The following BICDL1 variants were observed in gnomAD, a reference collection of about 807,000 sequenced individuals.
BICDL1 encodes the protein BICD family like cargo adaptor 1.
BICDL1 carries 20 observed loss-of-function variants against 76.8 expected under a neutral mutation model. The observed-to-expected ratio is 0.26, with a 90% confidence interval of 0.18 to 0.38. The LOEUF (loss-of-function observed/expected upper bound fraction) is 0.38, where lower values mean the gene tolerates loss of function less well. BICDL1 is among the 10% of genes least tolerant of loss of function. The probability of loss-of-function intolerance (pLI) is 1.00; values close to 1 mark genes in which losing one functional copy is unlikely to be tolerated. For missense variants in BICDL1, 700 were observed against 798.6 expected (o/e 0.88, Z 1.49); for synonymous variants, 383 against 337.1 (o/e 1.14, Z -1.49).
At position 119,990,282 on chromosome 12, in the gene BICDL1, G is replaced by A. The variant is rs1294038365; in HGVS notation, c.414G>A (p.Leu138=). Residue 138 remains leucine (L), a synonymous_variant, in exon 1 of 10, where the codon CTG becomes CTA. Coordinates refer to ENST00000548673, the MANE Select transcript of BICDL1 (RefSeq NM_001367886.1). ...SRQYEQMHKE[L]TDKLEHLEQE... is the part of the protein sequence containing the mutation. ...AGTACGAGCAGATGCATAAGGAGCT[G>A]ACAGACAAGCTCGAGGTGAGGACCT... 21 of 1,568,706 alleles carry A rather than the reference G, an allele frequency of 1.3e-5. No individual in the cohort carries two copies. The highest frequency in any genetic ancestry group is 1.6e-5 in the Non-Finnish European group (18 of 1,157,646).
intron 7 of BICDL1, among the ~76,000 whole-genome samples, chr12:120,078,853 C>T (rs1212825080): frequency 6.6e-6 from 1 of 152,220 alleles, no homozygotes; most frequent in Non-Finnish European, 1.5e-5. Context: ...CCGACTGGCC[C>T]ACAGCTGGTC....
intron 1 of BICDL1, among the ~76,000 whole-genome samples, chr12:119,991,613 T>G (rs1385815829): frequency 1.3e-5 from 2 of 152,034 alleles, no homozygotes; most frequent in South Asian, 2.1e-4. Context: ...TAAAAAGCCT[T>G]CCTTTTTTTT....
At chr12:120,072,241 C>T (rs1873165826) in intron 5 of BICDL1, among the ~76,000 whole-genome samples, 1 of 152,100 alleles carries the variant, frequency 6.6e-6, no homozygotes, top group Non-Finnish European at 1.5e-5. Context: ...ACCAAAATAA[C>T]TGATTATATA....
chr12:120,064,609 G>A, intron 3 of BICDL1, 124 bp from the exon 4 acceptor site: 2 of 891,740 alleles, frequency 2.2e-6, no homozygotes, highest in Non-Finnish European at 1.7e-6. Context: ...AGAGATGGGG[G>A]TACCGTGACA....
chr12:120,083,811 A>G (rs1874187441), intron 8 of BICDL1, among the ~76,000 whole-genome samples: 2 of 151,442 alleles, frequency 1.3e-5, no homozygotes, highest in South Asian at 4.2e-4. Flanking sequence ...ATGCGCCCCC[A>G]TGCTTGGCTA....
At chr12:120,015,141 C>G (rs1211606036) in intron 2 of BICDL1, among the ~76,000 whole-genome samples, 1 of 152,150 alleles carries the variant, frequency 6.6e-6, no homozygotes, top group Non-Finnish European at 1.5e-5. Flanking sequence ...TTCCCACTTG[C>G]AGTGGGAAGG....
chr12:120,091,619 C>T (rs534646911), intron 9 of BICDL1: 1 of 984,838 alleles, frequency 1.0e-6, no homozygotes, highest in East Asian at 1.1e-4. Flanking sequence ...AGGAGAAGAC[C>T]AGGAATGAGC....
At chr12:120,073,954 C>T (rs1355948478) in intron 6 of BICDL1, among the ~76,000 whole-genome samples, 1 of 152,182 alleles carries the variant, frequency 6.6e-6, no homozygotes, top group East Asian at 1.9e-4. Flanking sequence ...GAGTCTCGCT[C>T]TGTTGCCCAG....
intron 1 of BICDL1, 54 bp downstream of exon 1, chr12:119,990,351 C>G (rs1319045644): frequency 7.1e-6 from 11 of 1,538,850 alleles, no homozygotes; most frequent in Non-Finnish European, 9.6e-6. Flanking sequence ...CAGGCACGCG[C>G]CCGGCCCTGG....
chr12:120,051,658 A>C (rs1462807671), intron 2 of BICDL1, among the ~76,000 whole-genome samples: 1 of 152,196 alleles, frequency 6.6e-6, no homozygotes, highest in Non-Finnish European at 1.5e-5. Flanking sequence ...GTTAGGCTTA[A>C]AAAAGAAGCT....
chr12:120,092,971 TC>T, intron 9 of BICDL1, 28 bp from the exon 10 acceptor site: 1 of 1,532,196 alleles, frequency 6.5e-7, no homozygotes, highest in South Asian at 1.3e-5. Context: ...AGCTACTCAG[TC>T]CTGGCCACTG....
rs1419108349 is a variant in BICDL1 at position 120,014,648 on chromosome 12, C to T, written c.645+15912C>T. Reference sequence around the variant, plus strand: ...CAGAGGTTGCAGTGAGCCGAGATCACGGCACTGCACTACAGCCTGTGACAG... The same window carrying T: ...CAGAGGTTGCAGTGAGCCGAGATCATGGCACTGCACTACAGCCTGTGACAG... On this transcript the variant is annotated intron_variant, in intron 2 of 9. Transcript: ENST00000548673. Among the ~76,000 whole-genome samples the T allele has an allele frequency of 4.6e-5, 7 of 151,226 alleles. No individual in the cohort carries two copies. In the South Asian group the frequency reaches 6.3e-4, roughly 14 times the overall value.
chr12:120,086,157 C>T (rs989308833), intron 8 of BICDL1, among the ~76,000 whole-genome samples: 1 of 152,198 alleles, frequency 6.6e-6, no homozygotes, highest in Admixed American at 6.5e-5. Context: ...TGGAAGGATG[C>T]CCCCAGTAGG....
chr12:120,052,701 G>A (rs1276292006), intron 2 of BICDL1, among the ~76,000 whole-genome samples: 1 of 152,144 alleles, frequency 6.6e-6, no homozygotes, highest in East Asian at 1.9e-4. Context: ...TGAAACTTTT[G>A]CCCACAAATT....
At chr12:120,066,393 A>G (rs577751011) in intron 4 of BICDL1, among the ~76,000 whole-genome samples, 1 of 152,312 alleles carries the variant, frequency 6.6e-6, no homozygotes, top group South Asian at 2.1e-4. Flanking sequence ...CCTAAAAGAA[A>G]CTTTCAGTTC....
chr12:120,056,516 C>T (rs375218844), intron 2 of BICDL1, among the ~76,000 whole-genome samples: 1 of 152,204 alleles, frequency 6.6e-6, no homozygotes, highest in African/African-American at 2.4e-5. Context: ...GTCAGAAGTT[C>T]GAGACCAGCC....
chr12:120,007,071 A>C (rs1330658185), intron 2 of BICDL1, among the ~76,000 whole-genome samples: 1 of 152,148 alleles, frequency 6.6e-6, no homozygotes, highest in Non-Finnish European at 1.5e-5. Context: ...GGTTGTGGGA[A>C]GGAAGGTTAA....
At chr12:120,030,871 A>G (rs1276767832) in intron 2 of BICDL1, among the ~76,000 whole-genome samples, 1 of 152,222 alleles carries the variant, frequency 6.6e-6, no homozygotes, top group East Asian at 1.9e-4. Flanking sequence ...GGGTATGACA[A>G]ATAACCAGTT....
chr12:120,071,598 A>C lies in BICDL1; in HGVS notation c.910-24A>C. ...TTGGTTTTTGTGTTTGGTAAACCTCAACCATTTGCTCTTTCTTTGAAAGCT... is the reference window on the plus strand; with the variant it reads ...TTGGTTTTTGTGTTTGGTAAACCTCCACCATTTGCTCTTTCTTTGAAAGCT... On this transcript the variant is annotated intron_variant, in intron 4 of 9. Coordinates refer to ENST00000548673, the MANE Select transcript of BICDL1 (RefSeq NM_001367886.1). The surrounding 1 kb of genome is among the most constrained non-coding windows in gnomAD (Gnocchi z 4.8). 6.9e-6 allele frequency: 11 copies of C among 1,584,646 alleles called. No individual in the cohort carries two copies. Among genetic ancestry groups the C allele is most frequent in the Non-Finnish European group, 9.4e-6 (11 of 1,164,660 alleles).
Sources: allele counts gnomAD v4.1 joint callset (sites outside exome capture counted in the v4.1 genomes callset), GRCh38; gene constraint gnomAD v4.1.1; non-coding constraint Gnocchi (gnomAD v3.1); transcripts MANE v1.5; gene names NCBI Gene and HGNC (gene_info 2026-07-23, HGNC 2026-07-21).